Variants in HYAL4 observed in about 807,000 individuals in gnomAD.
HYAL4 encodes hyaluronidase-4.
HYAL4 carries 37 observed loss-of-function variants against 35.2 expected under a neutral mutation model. The observed-to-expected ratio is 1.05, with a 90% CI of 0.81 to 1.38. The LOEUF is 1.38. Ranked by LOEUF, HYAL4 falls within the 40% of genes most tolerant of loss-of-function variation. The pLI, the probability that HYAL4 is intolerant of heterozygous loss-of-function variation, is 0.00. For missense variants in HYAL4, 572 were observed against 572.4 expected, an observed-to-expected ratio of 1.00 and a Z score of 0.01; for synonymous variants, 198 against 203.2, an observed-to-expected ratio of 0.97 and a Z score of 0.22.
chr7:123,780,317 G>A, the HYAL4 span, among the ~76,000 whole-genome samples: 4 of 152,120 alleles, frequency 2.6e-5, no homozygotes, highest in East Asian at 7.7e-4. Context: ...TATCTTACCA[G>A]CTAAGTGCTT....
the HYAL4 span, among the ~76,000 whole-genome samples, chr7:123,813,321 A>G: frequency 6.6e-6 from 1 of 152,176 alleles, no homozygotes; most frequent in African/African-American, 2.4e-5. Context: ...ATCAACTATT[A>G]GATAGTCCTT....
the HYAL4 span, among the ~76,000 whole-genome samples, chr7:123,782,408 C>T: frequency 6.6e-6 from 1 of 152,032 alleles, no homozygotes; most frequent in Admixed American, 6.6e-5. Flanking sequence ...GTTTAAAATG[C>T]AAGTAATCTT....
chr7:123,819,397 A>G, the HYAL4 span: 9 of 152,546 alleles, frequency 5.9e-5, no homozygotes, highest in Admixed American at 2.0e-4. Flanking sequence ...CAGGAGTAAT[A>G]TTGTGGGGAG....
At chr7:123,832,777 G>C (rs555152119) in intron 1 of HYAL4, among the ~76,000 whole-genome samples, 3 of 151,874 alleles carry the variant, frequency 2.0e-5, no homozygotes, top group African/African-American at 7.3e-5. Context: ...GAGCCACCGC[G>C]CCCAGCCTTT....
At chr7:123,778,229 G>A in the HYAL4 span, among the ~76,000 whole-genome samples, 1 of 151,672 alleles carries the variant, frequency 6.6e-6, no homozygotes, top group South Asian at 2.1e-4. Flanking sequence ...AGTCATTTGA[G>A]AGATAGTTGC....
chr7:123,846,158 C>T (rs1806168636), intron 1 of HYAL4, among the ~76,000 whole-genome samples: 1 of 152,200 alleles, frequency 6.6e-6, no homozygotes, highest in Non-Finnish European at 1.5e-5. Context: ...AAGAGAGCAT[C>T]AGCTGTAGTA....
chr7:123,851,098 G>T (rs909411192), intron 2 of HYAL4, among the ~76,000 whole-genome samples: 1 of 152,162 alleles, frequency 6.6e-6, no homozygotes, highest in Non-Finnish European at 1.5e-5. Flanking sequence ...ATGTAGGAAC[G>T]CAACTTACTT....
chr7:123,789,054 G>A, the HYAL4 span, among the ~76,000 whole-genome samples: 1 of 152,122 alleles, frequency 6.6e-6, no homozygotes, highest in Non-Finnish European at 1.5e-5. Flanking sequence ...TTGAATTCTG[G>A]AGACTGAAAT....
At chr7:123,813,254 TTGA>T in the HYAL4 span, among the ~76,000 whole-genome samples, 6 of 152,300 alleles carry the variant, frequency 3.9e-5, no homozygotes, top group African/African-American at 1.4e-4. Flanking sequence ...TAAGATAATT[TTGA>T]TATGTAACTG....
intron 2 of HYAL4, among the ~76,000 whole-genome samples, chr7:123,858,637 A>C (rs1027525649): frequency 4.6e-5 from 7 of 152,180 alleles, no homozygotes; most frequent in Non-Finnish European, 8.8e-5. Context: ...TATAATTTTC[A>C]AAAGTTGAGA....
chr7:123,875,517 T>A (rs1806989845), intron 4 of HYAL4, among the ~76,000 whole-genome samples: 1 of 151,596 alleles, frequency 6.6e-6, no homozygotes, highest in African/African-American at 2.4e-5. Flanking sequence ...ATTAGGCGAG[T>A]GTGATGACAC....
chr7:123,860,564 A>G (rs1285775165), intron 2 of HYAL4, among the ~76,000 whole-genome samples: 3 of 152,232 alleles, frequency 2.0e-5, no homozygotes, highest in African/African-American at 7.2e-5. Context: ...AATATGTAGA[A>G]GAAACCTCAT....
chr7:123,822,242 G>A, the HYAL4 span, among the ~76,000 whole-genome samples: 9 of 152,118 alleles, frequency 5.9e-5, no homozygotes, highest in African/African-American at 2.2e-4. Context: ...GGATAGTATG[G>A]ACATTTTAAC....
At chr7:123,801,612 G>A in the HYAL4 span, among the ~76,000 whole-genome samples, 2 of 152,076 alleles carry the variant, frequency 1.3e-5, no homozygotes, top group African/African-American at 4.8e-5. Flanking sequence ...AATAAGGTAA[G>A]TAAATGTATC....
chr7:123,768,623 C>T, the HYAL4 span, among the ~76,000 whole-genome samples: 1 of 152,194 alleles, frequency 6.6e-6, no homozygotes. Context: ...GGCAGCACTT[C>T]AGCTACCATT....
intron 1 of HYAL4, among the ~76,000 whole-genome samples, chr7:123,846,926 AGGGTGTGTGTTTG>A (rs1320944891): frequency 6.6e-6 from 1 of 152,072 alleles, no homozygotes; most frequent in African/African-American, 2.4e-5. Flanking sequence ...TTCCCCATTG[AGGGTGTGTGTTTG>A]GGGCAGACAA....
the HYAL4 span, among the ~76,000 whole-genome samples, chr7:123,788,992 C>T: frequency 6.6e-6 from 1 of 152,120 alleles, no homozygotes; most frequent in Non-Finnish European, 1.5e-5. Context: ...TACAGTCACT[C>T]TGATAGAAAT....
At chr7:123,808,646 A>G in the HYAL4 span, among the ~76,000 whole-genome samples, 1 of 152,162 alleles carries the variant, frequency 6.6e-6, no homozygotes, top group Non-Finnish European at 1.5e-5. Flanking sequence ...AGATCTTCCC[A>G]CTACAGAATG....
At chr7:123,770,440 T>TG in the HYAL4 span, among the ~76,000 whole-genome samples, 1,372 of 118,504 alleles carry the variant, frequency 0.012, 22 homozygotes, top group African/African-American at 0.04. Flanking sequence ...AGACTCCATC[T>TG]AAAAAAAAAA....
Sources: allele counts gnomAD v4.1 joint callset (sites outside exome capture counted in the v4.1 genomes callset), GRCh38; gene constraint gnomAD v4.1.1; transcripts MANE v1.5; gene names NCBI Gene and HGNC (gene_info 2026-07-23, HGNC 2026-07-21).